The following SLCO1B3 variants were observed in gnomAD, a reference collection of about 807,000 sequenced individuals.
The protein encoded by SLCO1B3 is liver-specific organic anion transporter 2.
In SLCO1B3, 72 loss-of-function variants were observed where a neutral mutation model predicts 71.8. The ratio of observed to expected loss-of-function variants is 1.00; its 90% confidence interval spans 0.83 to 1.22. The LOEUF is 1.22. Among genes scored for constraint, SLCO1B3 ranks in the 50% most tolerant of loss-of-function variants. The pLI is 0.00. For synonymous variants in SLCO1B3, 298 were observed against 278.4 expected (o/e 1.07, Z -0.70); for missense variants, 911 against 819.7 (o/e 1.11, Z -1.36).
chr12:20,862,125 TATGTA>T (rs1865278657), intron 6 of SLCO1B3, among the ~76,000 whole-genome samples: 1 of 152,178 alleles, frequency 6.6e-6, no homozygotes. Flanking sequence ...GATTTTTAAA[TATGTA>T]ATGTACATAA....
chr12:20,815,695 T>A lies in SLCO1B3; in HGVS notation c.-44T>A. 8.0e-7 allele frequency: 1 copy of A among 1,252,126 alleles called. No individual in the cohort carries two copies. The allele number at this position is 1,252,126 out of a possible 1,614,324, so 77.6% of individuals were successfully genotyped here. A position where few individuals can be genotyped will look rare whatever the true frequency, so the allele number is the denominator to read the frequency against. ...ACAGGTGATCATTTCAAACCAAGCA[T>A]CAGCAACAATTAAAAATATTCACTT... On this transcript the variant is annotated 5_prime_UTR_variant, in exon 3 of 16. Coordinates refer to ENST00000381545, the MANE Select transcript of SLCO1B3 (RefSeq NM_019844.4).
chr12:20,860,122 A>AT (rs1427851651), intron 5 of SLCO1B3, among the ~76,000 whole-genome samples: 12 of 151,584 alleles, frequency 7.9e-5, no homozygotes, highest in Non-Finnish European at 1.3e-4. Context: ...CGCCCGGCTA[A>AT]TTTTTTGTAT....
At chr12:20,850,071 A>G (rs1193089437) in intron 3 of SLCO1B3, among the ~76,000 whole-genome samples, 1 of 147,864 alleles carries the variant, frequency 6.8e-6, no homozygotes, top group Non-Finnish European at 1.5e-5. Context: ...GGAAAAATCC[A>G]TACTGAAAGT....
intron 13 of SLCO1B3, among the ~76,000 whole-genome samples, chr12:20,893,471 G>T (rs1565604910): frequency 6.6e-6 from 1 of 152,114 alleles, no homozygotes; most frequent in Non-Finnish European, 1.5e-5. Context: ...GGACCTAGAG[G>T]TCTGTCAGAA....
At chr12:20,844,747 C>G (rs1232371643) in intron 3 of SLCO1B3, among the ~76,000 whole-genome samples, 1 of 151,026 alleles carries the variant, frequency 6.6e-6, no homozygotes, top group African/African-American at 2.4e-5. Context: ...AAAAATTATT[C>G]GGCCAGGTGT....
At chr12:20,885,258 A>AT (rs1488227482) in intron 13 of SLCO1B3, among the ~76,000 whole-genome samples, 7 of 152,226 alleles carry the variant, frequency 4.6e-5, no homozygotes, top group African/African-American at 1.4e-4. Flanking sequence ...TTTATTAATG[A>AT]TTTTCTAATG....
chr12:20,868,850 G>T (rs1365699513), intron 8 of SLCO1B3, among the ~76,000 whole-genome samples: 1 of 152,120 alleles, frequency 6.6e-6, no homozygotes, highest in East Asian at 1.9e-4. Context: ...CTAGACAGGG[G>T]GCCCTTCCCT....
chr12:20,858,766 T>C, intron 5 of SLCO1B3, 195 bp downstream of exon 5: 1 of 373,354 alleles, frequency 2.7e-6, no homozygotes, highest in Non-Finnish European at 4.7e-6. Flanking sequence ...TTATTTATCA[T>C]GGCTTTTATA....
chr12:20,824,388 A>G (rs368867323), intron 3 of SLCO1B3, among the ~76,000 whole-genome samples: 129 of 152,316 alleles, frequency 8.5e-4, no homozygotes, highest in African/African-American at 3.0e-3. Context: ...ATCTATTCCA[A>G]TGATGCTATA....
intron 15 of SLCO1B3, 26 bp from the exon 16 acceptor site, chr12:20,915,978 C>A (rs545846824): frequency 2.0e-6 from 3 of 1,536,082 alleles, no homozygotes; most frequent in South Asian, 2.4e-5. Flanking sequence ...AAATAATAAT[C>A]GACTCTCTAT....
chr12:20,896,867 A>G (rs1354431305), intron 13 of SLCO1B3, among the ~76,000 whole-genome samples: 6 of 152,204 alleles, frequency 3.9e-5, no homozygotes. Flanking sequence ...GTGGCTGGGG[A>G]AACCTCACAA....
At chr12:20,858,608 C>T (rs1292059074) in intron 5 of SLCO1B3, 37 bp downstream of exon 5, 2 of 1,558,460 alleles carry the variant, frequency 1.3e-6, no homozygotes, top group African/African-American at 2.7e-5. Flanking sequence ...TTATTATCAG[C>T]TACTTGTAAA....
chr12:20,906,166 A>G (rs901891034), intron 15 of SLCO1B3, among the ~76,000 whole-genome samples: 7 of 152,188 alleles, frequency 4.6e-5, no homozygotes, highest in African/African-American at 1.7e-4. Flanking sequence ...ATATCAATCA[A>G]TAAAAAGAAA....
At chr12:20,824,227 A>G (rs1467346788) in intron 3 of SLCO1B3, among the ~76,000 whole-genome samples, 1 of 152,192 alleles carries the variant, frequency 6.6e-6, no homozygotes, top group Non-Finnish European at 1.5e-5. Context: ...AATAAAACCA[A>G]TCAGCAAATG....
intron 15 of SLCO1B3, among the ~76,000 whole-genome samples, chr12:20,913,612 G>A (rs1441779214): frequency 6.6e-6 from 1 of 151,986 alleles, no homozygotes. Flanking sequence ...ATTAAAATAG[G>A]TACTCCCATT....
At position 20,882,408 on chromosome 12, in the gene SLCO1B3, C is replaced by CT. The variant is rs1291119168; in HGVS notation, c.1498-1002dup. Among the ~76,000 whole-genome samples, 11 of 151,962 alleles carry CT rather than the reference C, an allele frequency of 7.2e-5. 1 individual carries two copies. The highest frequency in any genetic ancestry group is 3.4e-3 in the Middle Eastern group (1 of 294). ...AACCATACGAGTATGGATTTAAATT[C>CT]TTTTTTTTGTTTTGAGATGGAGTCT... On this transcript the variant is annotated intron_variant, in intron 12 of 15. Transcript: ENST00000381545.
At position 20,879,577 on chromosome 12, in the gene SLCO1B3, T is replaced by A; in HGVS notation, c.1277T>A (p.Phe426Tyr). The A allele has an allele frequency of 1.2e-6, 2 of 1,613,162 alleles. No homozygotes were observed. Among genetic ancestry groups the A allele is most frequent in the Non-Finnish European group, 1.7e-6 (2 of 1,179,550 alleles). Reference protein sequence around the residue: ...MISFLFQLLYFPLICESKSVA... With the variant: ...MISFLFQLLYYPLICESKSVA... ...TCCTTCTTGTTTCAACTTCTATATTTCCCTCTAATCTGCGAAAGCAAATCA... is the reference window on the plus strand; with the variant it reads ...TCCTTCTTGTTTCAACTTCTATATTACCCTCTAATCTGCGAAAGCAAATCA... The change falls in exon 11 of 16, where the codon TTC (phenylalanine) becomes TAC (tyrosine). Residue 426 changes from phenylalanine to tyrosine, a missense_variant. Coordinates refer to ENST00000381545, the MANE Select transcript of SLCO1B3 (RefSeq NM_019844.4).
intron 13 of SLCO1B3, among the ~76,000 whole-genome samples, chr12:20,892,431 G>A (rs895682058): frequency 5.3e-5 from 8 of 152,064 alleles, no homozygotes; most frequent in East Asian, 1.9e-4. Context: ...AATGCTAGAC[G>A]TAATAGCATG....
At chr12:20,896,862 T>C (rs1047255278) in intron 13 of SLCO1B3, among the ~76,000 whole-genome samples, 3 of 152,154 alleles carry the variant, frequency 2.0e-5, no homozygotes, top group Non-Finnish European at 4.4e-5. Context: ...TCCATGTGGC[T>C]GGGGAAACCT....
Sources: gnomAD v4.1 joint callset for allele counts (sites outside exome capture counted in the v4.1 genomes callset) on GRCh38, gnomAD v4.1.1 for gene constraint, MANE v1.5 for transcripts, NCBI Gene and HGNC (gene_info 2026-07-23, HGNC 2026-07-21) for gene names.